The following MTUS2 variants were observed in gnomAD, a reference collection of about 807,000 sequenced individuals.
MTUS2 encodes the protein microtubule-associated tumor suppressor candidate 2.
A neutral mutation model predicts 114.1 loss-of-function variants in MTUS2; 40 were observed. The observed-to-expected ratio is 0.35, with a 90% CI of 0.27 to 0.46. MTUS2 has a LOEUF of 0.46. Ranked by LOEUF, MTUS2 falls within the 20% of genes least tolerant of loss-of-function variation. The pLI, the probability that MTUS2 is intolerant of heterozygous loss-of-function variation, is 1.00. For missense variants in MTUS2, 1,679 were observed against 1,705.4 expected, an observed-to-expected ratio of 0.98 and a Z score of 0.27; for synonymous variants, 688 against 672.0, an observed-to-expected ratio of 1.02 and a Z score of -0.37.
At chr13:29,019,137 A>G (rs1018728764) in intron 2 of MTUS2, among the ~76,000 whole-genome samples, 3 of 152,132 alleles carry the variant, frequency 2.0e-5, no homozygotes, top group South Asian at 2.1e-4. Context: ...CAACGTTACA[A>G]TTACTAACAT....
At chr13:29,390,178 T>TGTG (rs1566175317) in intron 8 of MTUS2, among the ~76,000 whole-genome samples, 1 of 131,534 alleles carries the variant, frequency 7.6e-6, no homozygotes, top group South Asian at 2.4e-4. Context: ...GTGTGTGTGT[T>TGTG]TATGAATATA....
At chr13:28,862,386 G>A (rs920871543) in intron 2 of MTUS2, among the ~76,000 whole-genome samples, 1 of 152,222 alleles carries the variant, frequency 6.6e-6, no homozygotes, top group African/African-American at 2.4e-5. Flanking sequence ...CGAGGCGGGT[G>A]CATCACCTGA....
chr13:29,341,775 T>A (rs763376011), intron 7 of MTUS2, among the ~76,000 whole-genome samples: 3 of 152,018 alleles, frequency 2.0e-5, no homozygotes, highest in Non-Finnish European at 4.4e-5. Flanking sequence ...TATGGTTTCT[T>A]TAATTTTTGT....
intron 2 of MTUS2, among the ~76,000 whole-genome samples, chr13:28,915,139 A>G (rs1880676024): frequency 6.6e-6 from 1 of 151,668 alleles, no homozygotes; most frequent in South Asian, 2.1e-4. Context: ...TTCTTTTTTA[A>G]TGGCAGAACA....
At position 29,235,159 on chromosome 13, in the gene MTUS2, C is replaced by T. The variant is rs956552045; in HGVS notation, c.2645-46545C>T. Among the ~76,000 whole-genome samples the T allele has an allele frequency of 1.1e-4, 17 of 152,178 alleles. 3 individuals carry two copies. The highest frequency in any genetic ancestry group is 8.5e-4 in the Admixed American group (13 of 15,280). ...TTGCCCAGGCTGGAGTGCAGTGGCA[C>T]GATCTCAGCTCACCGCAACCTCCGC... On this transcript the variant is annotated intron_variant, in intron 5 of 15. Coordinates refer to ENST00000612955, the MANE Select transcript of MTUS2 (RefSeq NM_001033602.4).
intron 2 of MTUS2, among the ~76,000 whole-genome samples, chr13:28,997,946 G>T (rs1322897243): frequency 6.6e-6 from 1 of 152,128 alleles, no homozygotes; most frequent in African/African-American, 2.4e-5. Context: ...ATGTTAGCTG[G>T]TTATTTTGCT....
rs539396806 is a variant in MTUS2, at chr13:28,839,802, A to G, written c.-291A>G. 8.5e-5 allele frequency: 13 copies of G among 152,290 alleles called. No homozygotes were observed. The highest frequency in any genetic ancestry group is 3.1e-4 in the African/African-American group (13 of 41,568). 9.4% of individuals were successfully genotyped at this position (152,290 alleles called of 1,614,324 possible). The stretch of plus-strand genomic sequence containing the variant: ...GGTTTCCACAGCTGGATTGTTTACT[A>G]GGGCCAATTGTCACCAATGGCAGTA... On this transcript the variant is annotated 5_prime_UTR_variant, in exon 2 of 16. Coordinates refer to ENST00000612955, the MANE Select transcript of MTUS2 (RefSeq NM_001033602.4).
At chr13:29,243,061 C>T (rs1399106682) in intron 5 of MTUS2, among the ~76,000 whole-genome samples, 1 of 152,136 alleles carries the variant, frequency 6.6e-6, no homozygotes, top group East Asian at 1.9e-4. Flanking sequence ...CAGATCGAAT[C>T]TGAGATACTA....
intron 5 of MTUS2, among the ~76,000 whole-genome samples, chr13:29,254,405 C>T (rs4439609): frequency 0.47 from 71,776 of 152,098 alleles, 19,285 homozygotes; most frequent in East Asian, 0.75. Flanking sequence ...TTCAAAAATA[C>T]TTTCTGCAGG....
At position 29,402,436 on chromosome 13, in the gene MTUS2, A is replaced by G. The variant is rs1378831875; in HGVS notation, c.3118-37547A>G. On this transcript the variant is annotated intron_variant, in intron 8 of 15. Transcript: ENST00000612955. ...CAGTAAGCGAAAGCCAAGAGGCAGT[A>G]AAATTCATGGTAAGCATAAAACACG... Among the ~76,000 whole-genome samples, 4 of 152,300 alleles carry G rather than the reference A, an allele frequency of 2.6e-5. No homozygotes were observed. The East Asian group carries it at 5.8e-4, about 22-fold the overall frequency.
chr13:29,181,233 A>G (rs531289541), intron 5 of MTUS2, among the ~76,000 whole-genome samples: 1 of 151,812 alleles, frequency 6.6e-6, no homozygotes. Context: ...TAACCCTATC[A>G]GCCACTGGTA....
At chr13:29,342,555 T>C (rs1901453949) in intron 7 of MTUS2, among the ~76,000 whole-genome samples, 1 of 152,116 alleles carries the variant, frequency 6.6e-6, no homozygotes, top group Non-Finnish European at 1.5e-5. Context: ...TAGGAGCTTT[T>C]AGGATGAGGC....
At chr13:28,846,100 A>T (rs1875869627) in intron 2 of MTUS2, among the ~76,000 whole-genome samples, 1 of 151,182 alleles carries the variant, frequency 6.6e-6, no homozygotes, top group Admixed American at 6.6e-5. Context: ...AGGGCATATT[A>T]AACAGAGTCC....
intron 4 of MTUS2, among the ~76,000 whole-genome samples, chr13:29,079,740 T>A (rs1229383328): frequency 1.3e-5 from 2 of 152,242 alleles, no homozygotes; most frequent in Admixed American, 1.3e-4. Flanking sequence ...TTAATTCTGT[T>A]CTACTTAGCT....
In MTUS2 at chr13:28,905,092, G is replaced by A. The variant is rs1487800014; in HGVS notation, c.-243+65242G>A. ...GTTTATAAGAATGCTTGTGATTTTT[G>A]TACATTGATTTTGTATCCTGAGACT... On this transcript the variant is annotated intron_variant, in intron 2 of 15. Transcript: ENST00000612955. Among the ~76,000 whole-genome samples the A allele has an allele frequency of 1.3e-4, 20 of 151,534 alleles. 1 individual carries two copies. The highest frequency in any genetic ancestry group is 2.6e-4 in the Non-Finnish European group (18 of 67,954).
At chr13:28,955,224 G>C (rs909917304) in intron 2 of MTUS2, among the ~76,000 whole-genome samples, 1 of 152,188 alleles carries the variant, frequency 6.6e-6, no homozygotes, top group Non-Finnish European at 1.5e-5. Flanking sequence ...GACATTGCAC[G>C]ATTTCTGTGA....
chr13:29,376,035 ATATATGTG>A (rs1277328894), intron 8 of MTUS2, among the ~76,000 whole-genome samples: 12 of 110,142 alleles, frequency 1.1e-4, no homozygotes, highest in South Asian at 5.3e-4. Flanking sequence ...GTGTATATAT[ATATATGTG>A]TGTGTGTGTG....
chr13:28,993,043 C>G (rs1030148044), intron 2 of MTUS2, among the ~76,000 whole-genome samples: 5 of 152,160 alleles, frequency 3.3e-5, no homozygotes, highest in African/African-American at 9.7e-5. Context: ...CCTCAAGGTT[C>G]CATGTTGCAG....
intron 12 of MTUS2, among the ~76,000 whole-genome samples, chr13:29,492,937 C>A (rs1383512311): frequency 4.6e-5 from 7 of 152,194 alleles, no homozygotes; most frequent in African/African-American, 1.4e-4. Flanking sequence ...CACATACTTG[C>A]ACCAAATGAA....
Sources: gnomAD v4.1 joint callset for allele counts (sites outside exome capture counted in the v4.1 genomes callset) on GRCh38, gnomAD v4.1.1 for gene constraint, MANE v1.5 for transcripts, NCBI Gene and HGNC (gene_info 2026-07-23, HGNC 2026-07-21) for gene names.